Variants in MAST4 observed in about 807,000 individuals in gnomAD.
MAST4 encodes microtubule-associated serine/threonine-protein kinase 4.
In MAST4, 89 loss-of-function variants were observed where a neutral mutation model predicts 162.7. That is an observed-to-expected ratio of 0.55 (90% CI 0.46 to 0.65). The LOEUF is 0.65. Ranked by LOEUF, MAST4 falls within the 30% of genes least tolerant of loss-of-function variation. MAST4 has a pLI of 0.00. For synonymous variants in MAST4, 1,479 were observed against 1,361.1 expected, an observed-to-expected ratio of 1.09 and a Z score of -1.91; for missense variants, 3,153 against 3,374.0, an observed-to-expected ratio of 0.93 and a Z score of 1.62.
chr5:66,940,284 AT>A (rs1743221246), intron 4 of MAST4, among the ~76,000 whole-genome samples: 1 of 152,108 alleles, frequency 6.6e-6, no homozygotes, highest in Non-Finnish European at 1.5e-5. Flanking sequence ...GACTGTGCCA[AT>A]TTCTTGAAAT....
At chr5:66,772,718 C>T (rs1405527509) in intron 2 of MAST4, among the ~76,000 whole-genome samples, 7 of 152,186 alleles carry the variant, frequency 4.6e-5, no homozygotes, top group Admixed American at 4.6e-4. Context: ...AGGACGTGAA[C>T]TGGAGATCTG....
At chr5:66,662,697 GA>G (rs1245572040) in intron 1 of MAST4, 3 of 151,866 alleles carry the variant, frequency 2.0e-5, no homozygotes, top group South Asian at 4.2e-4. Flanking sequence ...ATGAAAATAA[GA>G]AATTGGAAAA....
In MAST4 at chr5:66,928,318, C is replaced by T. The variant is rs185864724; in HGVS notation, c.674+28336C>T. On this transcript the variant is annotated intron_variant, in intron 4 of 28. Coordinates refer to ENST00000403625, the MANE Select transcript of MAST4 (RefSeq NM_001164664.2). ...TTACTGAGTTCTTCAGAATGGGGTC[C>T]ATAGTCCCATTGATAGAGAGTGAAA... is the stretch of plus-strand genomic sequence containing the variant. Among the ~76,000 whole-genome samples, 4 of 152,310 alleles carry T rather than the reference C, an allele frequency of 2.6e-5. No homozygotes were observed. In the East Asian group the frequency reaches 7.7e-4, roughly 29 times the overall value.
intron 14 of MAST4, among the ~76,000 whole-genome samples, chr5:67,126,178 C>T (rs958357996): frequency 4.0e-5 from 6 of 151,522 alleles, no homozygotes; most frequent in Admixed American, 4.0e-4. Context: ...CAAAAATTTT[C>T]TCCCATTCTG....
At position 66,771,673 on chromosome 5, in the gene MAST4, A is replaced by C. The variant is rs527301640; in HGVS notation, c.517+11811A>C. On this transcript the variant is annotated intron_variant, in intron 2 of 28. Coordinates refer to ENST00000403625, the MANE Select transcript of MAST4 (RefSeq NM_001164664.2). ...GGCTTTGGTCCTTCCCGAGGAAACAAGATTAATTATTGAATCCATATATTA... is the reference window on the plus strand; with the variant it reads ...GGCTTTGGTCCTTCCCGAGGAAACACGATTAATTATTGAATCCATATATTA... Among the ~76,000 whole-genome samples the C allele has an allele frequency of 4.6e-5, 7 of 152,196 alleles. No individual in the cohort carries two copies. The South Asian group carries it at 1.5e-3, about 32-fold the overall frequency.
chr5:67,046,483 C>T (rs1030388786), intron 4 of MAST4, among the ~76,000 whole-genome samples: 4 of 152,172 alleles, frequency 2.6e-5, no homozygotes, highest in Admixed American at 2.0e-4. Context: ...GTGAATCAGT[C>T]TTATCTCTCC....
At chr5:66,993,554 C>T (rs1471932294) in intron 4 of MAST4, among the ~76,000 whole-genome samples, 1 of 152,192 alleles carries the variant, frequency 6.6e-6, no homozygotes, top group African/African-American at 2.4e-5. Flanking sequence ...GTCAGGACCA[C>T]TTTGCTGGAG....
intron 4 of MAST4, among the ~76,000 whole-genome samples, chr5:66,918,273 C>T (rs1346386055): frequency 2.0e-4 from 31 of 152,014 alleles, no homozygotes; most frequent in Non-Finnish European, 2.5e-4. Context: ...ATGAAGTATA[C>T]CCATATCTGG....
intron 2 of MAST4, among the ~76,000 whole-genome samples, chr5:66,785,265 A>T (rs534136817): frequency 6.6e-6 from 1 of 152,206 alleles, no homozygotes; most frequent in East Asian, 1.9e-4. Context: ...GCTAGGTTGC[A>T]GACCCATTTG....
In MAST4 at chr5:67,119,144, G is replaced by GT. The variant is rs909476881; in HGVS notation, c.1659+401dup. Among the ~76,000 whole-genome samples the GT allele has an allele frequency of 2.0e-5, 3 of 152,082 alleles. No homozygotes were observed. In the East Asian group the frequency reaches 5.8e-4, roughly 29 times the overall value. On this transcript the variant is annotated intron_variant, in intron 13 of 28. Coordinates refer to ENST00000403625, the MANE Select transcript of MAST4 (RefSeq NM_001164664.2). ...CATGTTTATCAGGTTTTTTGTTTTT[G>GT]TTTTTTAAGAGCAATGGGAAATGAC...
chr5:66,988,117 A>C (rs1749711769), intron 4 of MAST4, among the ~76,000 whole-genome samples: 1 of 152,218 alleles, frequency 6.6e-6, no homozygotes, highest in South Asian at 2.1e-4. Flanking sequence ...TAAGAATGAC[A>C]GTTGGCTGGG....
intron 4 of MAST4, among the ~76,000 whole-genome samples, chr5:66,912,517 A>T (rs1763843459): frequency 6.6e-6 from 1 of 152,202 alleles, no homozygotes; most frequent in Admixed American, 6.5e-5. Context: ...GACATCATAC[A>T]CTGGAATGAA....
At chr5:66,911,338 C>T (rs1358277342) in intron 4 of MAST4, among the ~76,000 whole-genome samples, 1 of 152,156 alleles carries the variant, frequency 6.6e-6, no homozygotes, top group Non-Finnish European at 1.5e-5. Flanking sequence ...GAATCACATG[C>T]AAATGGTGGC....
At chr5:66,793,790 GTTTCAA>G (rs1305360594) in intron 3 of MAST4, among the ~76,000 whole-genome samples, 1 of 152,090 alleles carries the variant, frequency 6.6e-6, no homozygotes, top group Non-Finnish European at 1.5e-5. Flanking sequence ...TGACCATCCT[GTTTCAA>G]ACTGTTCCCT....
chr5:67,091,196 G>A (rs903475520), intron 6 of MAST4, among the ~76,000 whole-genome samples: 4 of 152,132 alleles, frequency 2.6e-5, no homozygotes, highest in Admixed American at 6.5e-5. Flanking sequence ...CCTCACGACC[G>A]TTTGTCAGCA....
chr5:66,726,252 T>C (rs902185858), intron 1 of MAST4, among the ~76,000 whole-genome samples: 1 of 151,458 alleles, frequency 6.6e-6, no homozygotes, highest in Non-Finnish European at 1.5e-5. Flanking sequence ...AAGTGGCAGG[T>C]GTATAGGTAA....
At position 66,901,756 on chromosome 5, in the gene MAST4, A is replaced by T. The variant is rs139969487; in HGVS notation, c.674+1774A>T. Among the ~76,000 whole-genome samples the T allele has an allele frequency of 5.9e-5, 9 of 152,232 alleles. No homozygotes were observed. In the East Asian group the frequency reaches 1.7e-3, roughly 29 times the overall value. ...TTCAAGTGAGGTAAACCAAAAATAA[A>T]CATGCTATTTTGTATTTTCTATTAA... On this transcript the variant is annotated intron_variant, in intron 4 of 28. Coordinates refer to ENST00000403625, the MANE Select transcript of MAST4 (RefSeq NM_001164664.2).
At chr5:66,844,754 G>A (rs779085067) in intron 3 of MAST4, among the ~76,000 whole-genome samples, 2 of 152,090 alleles carry the variant, frequency 1.3e-5, no homozygotes, top group Non-Finnish European at 2.9e-5. Context: ...AAAGAGTGCT[G>A]TAAGAGTACT....
chr5:66,698,550 A>G (rs188032038), intron 1 of MAST4, among the ~76,000 whole-genome samples: 47 of 152,102 alleles, frequency 3.1e-4, no homozygotes, highest in African/African-American at 1.1e-3. Context: ...CCATCTGGAC[A>G]TTTGCTTTAA....
Sources: allele counts gnomAD v4.1 joint callset (sites outside exome capture counted in the v4.1 genomes callset), GRCh38; gene constraint gnomAD v4.1.1; transcripts MANE v1.5; gene names NCBI Gene and HGNC (gene_info 2026-07-23, HGNC 2026-07-21).